Variants in NBEA observed in about 807,000 individuals in gnomAD.
NBEA encodes the protein neurobeachin, also known as lysosomal-trafficking regulator 2.
In NBEA, 44 loss-of-function variants were observed where a neutral mutation model predicts 343.4. That is an observed-to-expected ratio of 0.13 (90% confidence interval 0.10 to 0.16). The LOEUF (loss-of-function observed/expected upper bound fraction) is 0.16. NBEA is among the 10% of genes least tolerant of loss of function. The pLI is 1.00. For synonymous variants in NBEA, 1,175 were observed against 1,238.7 expected (o/e 0.95, Z 1.08); for missense variants, 2,555 against 3,631.3 (o/e 0.70, Z 7.62).
chr13:35,336,910 A>G (rs754826010), intron 36 of NBEA, among the ~76,000 whole-genome samples: 4 of 152,044 alleles, frequency 2.6e-5, no homozygotes, highest in Non-Finnish European at 5.9e-5. Context: ...AAACATACCT[A>G]TCGGCTACAG....
intron 35 of NBEA, among the ~76,000 whole-genome samples, chr13:35,295,067 T>TA (rs899245304): frequency 2.7e-5 from 4 of 148,246 alleles, no homozygotes; most frequent in South Asian, 2.1e-4. Flanking sequence ...AAAAAAAAAT[T>TA]AAAAAAAATA....
At chr13:35,631,250 T>C (rs2083439577) in intron 49 of NBEA, among the ~76,000 whole-genome samples, 1 of 152,196 alleles carries the variant, frequency 6.6e-6, no homozygotes, top group Non-Finnish European at 1.5e-5. Flanking sequence ...CTTACCTATA[T>C]ACAACCCCTA....
chr13:35,585,007 C>A (rs539279486), intron 46 of NBEA, among the ~76,000 whole-genome samples: 5 of 151,132 alleles, frequency 3.3e-5, no homozygotes, highest in East Asian at 3.9e-4. Context: ...TGCTCTCCCC[C>A]CCTCCCTCAT....
chr13:35,517,387 T>TAG (rs1372570153), intron 41 of NBEA, among the ~76,000 whole-genome samples: 1 of 152,222 alleles, frequency 6.6e-6, no homozygotes, highest in African/African-American at 2.4e-5. Context: ...TCTATATTCT[T>TAG]AGCTGCCTGC....
At chr13:35,526,888 T>C (rs557470333) in intron 41 of NBEA, among the ~76,000 whole-genome samples, 2 of 152,166 alleles carry the variant, frequency 1.3e-5, no homozygotes, top group East Asian at 3.9e-4. Context: ...GTGGCTTCAA[T>C]GATGGGCACC....
chr13:35,643,747 A>G (rs752928006), intron 49 of NBEA, among the ~76,000 whole-genome samples: 6 of 152,186 alleles, frequency 3.9e-5, no homozygotes, highest in Non-Finnish European at 8.8e-5. Context: ...TCCTTGCCCA[A>G]GGTTAGCATT....
chr13:35,671,026 GAGAGCACA>G lies in NBEA; in HGVS notation c.*38_*45del, dbSNP rs2085595070. 1 of 1,447,944 alleles carries G rather than the reference GAGAGCACA, an allele frequency of 6.9e-7. No individual in the cohort carries two copies. Among genetic ancestry groups the G allele is most frequent in the Non-Finnish European group, 9.5e-7 (1 of 1,055,114 alleles). 89.7% of individuals were successfully genotyped at this position (1,447,944 alleles called of 1,614,324 possible). Reference sequence around the variant, plus strand: ...AAGAACCAAAAGCCAAGTTAAAGCTGAGAGCACAAGTGCTGCATGGAAAGGCAATATCT... The same window carrying G: ...AAGAACCAAAAGCCAAGTTAAAGCTGAGTGCTGCATGGAAAGGCAATATCT... On this transcript the variant is annotated 3_prime_UTR_variant, in exon 59 of 59. Coordinates refer to ENST00000379939, the MANE Select transcript of NBEA (RefSeq NM_001385012.1).
At chr13:35,485,530 G>A (rs191073594) in intron 41 of NBEA, among the ~76,000 whole-genome samples, 76 of 152,140 alleles carry the variant, frequency 5.0e-4, no homozygotes, top group African/African-American at 1.8e-3. Context: ...TAGTTACATC[G>A]CAAAGCTTTT....
chr13:35,434,539 C>T (rs1566128082), intron 39 of NBEA, among the ~76,000 whole-genome samples: 1 of 152,128 alleles, frequency 6.6e-6, no homozygotes, highest in African/African-American at 2.4e-5. Flanking sequence ...ATTGGAGTTA[C>T]TCCATGGTCA....
intron 1 of NBEA, among the ~76,000 whole-genome samples, chr13:35,031,557 T>C (rs1159421642): frequency 6.6e-6 from 1 of 151,640 alleles, no homozygotes; most frequent in African/African-American, 2.4e-5. Context: ...TTGCTAACTT[T>C]AACTGAATGC....
chr13:35,638,037 T>G (rs2083775217), intron 49 of NBEA, among the ~76,000 whole-genome samples: 1 of 152,152 alleles, frequency 6.6e-6, no homozygotes, highest in Non-Finnish European at 1.5e-5. Flanking sequence ...CCTGTATGAT[T>G]CCACTTCTAT....
intron 43 of NBEA, among the ~76,000 whole-genome samples, chr13:35,553,967 A>C (rs1412608948): frequency 6.6e-6 from 1 of 152,216 alleles, no homozygotes; most frequent in East Asian, 1.9e-4. Flanking sequence ...AACAAGAGCC[A>C]TATGAAAAAT....
intron 48 of NBEA, among the ~76,000 whole-genome samples, chr13:35,616,190 C>T (rs2082729937): frequency 6.6e-6 from 1 of 152,162 alleles, no homozygotes; most frequent in Non-Finnish European, 1.5e-5. Context: ...CTTGGTGTCA[C>T]AAGTTGGAAC....
chr13:35,538,927 G>C (rs2078681623), intron 41 of NBEA, among the ~76,000 whole-genome samples: 2 of 152,192 alleles, frequency 1.3e-5, no homozygotes, highest in South Asian at 4.1e-4. Flanking sequence ...TTTCAGAAGA[G>C]GGTGTCACCC....
chr13:35,530,972 A>G (rs1045332336), intron 41 of NBEA, among the ~76,000 whole-genome samples: 6 of 152,204 alleles, frequency 3.9e-5, no homozygotes, highest in Middle Eastern at 3.2e-3. Context: ...ATAGGCTTCG[A>G]CGTCAGAAAG....
chr13:35,092,876 T>G (rs1009946179), intron 10 of NBEA, among the ~76,000 whole-genome samples: 4 of 152,056 alleles, frequency 2.6e-5, no homozygotes, highest in Non-Finnish European at 4.4e-5. Flanking sequence ...GGAAATCATG[T>G]CCACACAAAA....
chr13:35,539,777 G>A (rs1165563570), intron 41 of NBEA, among the ~76,000 whole-genome samples: 7 of 151,174 alleles, frequency 4.6e-5, no homozygotes, highest in Admixed American at 6.6e-5. Context: ...TTAGCCGGGC[G>A]TGGTGGCGGG....
intron 1 of NBEA, among the ~76,000 whole-genome samples, chr13:35,014,330 T>A (rs1352677911): frequency 6.6e-6 from 1 of 152,162 alleles, no homozygotes; most frequent in African/African-American, 2.4e-5. Flanking sequence ...TTAAAACATT[T>A]TTTTTGTTTG....
intron 43 of NBEA, among the ~76,000 whole-genome samples, chr13:35,552,927 G>C (rs1230074795): frequency 6.6e-6 from 1 of 151,512 alleles, no homozygotes; most frequent in Non-Finnish European, 1.5e-5. Context: ...GTCTCACTCT[G>C]TCACCCAGGC....
Sources: allele counts gnomAD v4.1 joint callset (sites outside exome capture counted in the v4.1 genomes callset), GRCh38; gene constraint gnomAD v4.1.1; transcripts MANE v1.5; gene names NCBI Gene and HGNC (gene_info 2026-07-23, HGNC 2026-07-21).